The following LAPTM4B variants were observed in gnomAD, a reference collection of about 807,000 sequenced individuals.
The protein encoded by LAPTM4B is lysosomal-associated transmembrane protein 4B.
LAPTM4B carries 26 observed loss-of-function variants against 28.5 expected under a neutral mutation model. The observed-to-expected ratio is 0.91, with a 90% CI of 0.67 to 1.27. LAPTM4B has a LOEUF of 1.27. Ranked by LOEUF, LAPTM4B falls within the 50% of genes most tolerant of loss-of-function variation. The pLI is 0.00. For synonymous variants in LAPTM4B, 109 were observed against 106.4 expected (o/e 1.02, Z -0.15); for missense variants, 288 against 285.8 (o/e 1.01, Z -0.06).
At position 97,827,453 on chromosome 8, in the gene LAPTM4B, A is replaced by T. The variant is rs186188465; in HGVS notation, c.603+2300A>T. ...CCATGTTCCTTCCCCCATATCTATGAATCTCTTCATCTGTATCCCTTGTAT... is the reference window on the plus strand; with the variant it reads ...CCATGTTCCTTCCCCCATATCTATGTATCTCTTCATCTGTATCCCTTGTAT... On this transcript the variant is annotated intron_variant, in intron 6 of 6. Coordinates refer to ENST00000521545, the MANE Select transcript of LAPTM4B (RefSeq NM_018407.6). 2.7e-4 allele frequency among the ~76,000 whole-genome samples: 41 copies of T among 152,330 alleles called. No individual in the cohort carries two copies. In the East Asian group the frequency reaches 7.7e-3, roughly 29 times the overall value.
At chr8:97,814,915 A>T (rs1816882988) in intron 2 of LAPTM4B, among the ~76,000 whole-genome samples, 1 of 152,074 alleles carries the variant, frequency 6.6e-6, no homozygotes, top group Non-Finnish European at 1.5e-5. Context: ...GGATGGTCTC[A>T]ATCTCCTGAC....
At position 97,825,140 on chromosome 8, in the gene LAPTM4B, G is replaced by A; in HGVS notation, c.590G>A (p.Ser197Asn). 1.3e-6 allele frequency: 2 copies of A among 1,587,946 alleles called. No individual in the cohort carries two copies. Among genetic ancestry groups the A allele is most frequent in the Non-Finnish European group, 1.7e-6 (2 of 1,156,472 alleles). ...TCTGATGTCCTGGTTTATGTTACCA[G>A]CAATGACACTACGGTAGGTATGATG... ...NSSDVLVYVT[S>N]NDTTVLLPPY... The change falls in exon 6 of 7, where the codon AGC becomes AAC. Residue 197 changes from serine to asparagine, a missense_variant. By Grantham distance (46) the Ser-to-Asn change is conservative (BLOSUM62 1). Coordinates refer to ENST00000521545, the MANE Select transcript of LAPTM4B (RefSeq NM_018407.6).
In LAPTM4B at chr8:97,812,209, T is replaced by G. The variant is rs533740896; in HGVS notation, c.212-3119T>G. Among the ~76,000 whole-genome samples, 12 of 67,250 alleles carry G rather than the reference T, an allele frequency of 1.8e-4. No individual in the cohort carries two copies. In the East Asian group the frequency reaches 3.4e-3, roughly 19 times the overall value. The allele number at this position is 67,250 out of a possible 152,430, so 44.1% of individuals were successfully genotyped here. A position where few individuals can be genotyped will look rare whatever the true frequency, so the allele number is the denominator to read the frequency against. The stretch of plus-strand genomic sequence containing the variant: ...AGGATAAGTAAATTAATTATTTGTT[T>G]TTTTTTTGTTGTTTTTTGTTTTTTT... On this transcript the variant is annotated intron_variant, in intron 2 of 6. Transcript: ENST00000521545.
intron 2 of LAPTM4B, among the ~76,000 whole-genome samples, chr8:97,811,219 G>A (rs1428215693): frequency 2.0e-5 from 3 of 152,086 alleles, no homozygotes; most frequent in African/African-American, 7.2e-5. Context: ...TCTACCCTAT[G>A]GCCCTGCATT....
In LAPTM4B at chr8:97,840,924, C is replaced by T. The variant is rs143977854; in HGVS notation, c.604-10473C>T. ...CATCCCAGATGGGGTGGCAGCCGGG[C>T]GGAGGCCCTCATCACTTCTAGACAG... On this transcript the variant is annotated intron_variant, in intron 6 of 6. Transcript: ENST00000521545. Among the ~76,000 whole-genome samples the T allele has an allele frequency of 5.0e-3, 740 of 149,010 alleles. 7 individuals are homozygous for T. Among genetic ancestry groups the T allele is most frequent in the African/African-American group, 0.017 (677 of 40,346 alleles).
At position 97,819,727 on chromosome 8, in the gene LAPTM4B, C is replaced by CTTT. The variant is rs532220760; in HGVS notation, c.507+512_507+514dup. Reference sequence around the variant, plus strand: ...ATGCATTTATCTCAAGATAAATTTCCTTTTTTTTTTTTTTTTTTTTTTTTT... The same window carrying CTTT: ...ATGCATTTATCTCAAGATAAATTTCCTTTTTTTTTTTTTTTTTTTTTTTTTTTT... On this transcript the variant is annotated intron_variant, in intron 5 of 6. Transcript: ENST00000521545. Among the ~76,000 whole-genome samples the CTTT allele has an allele frequency of 7.9e-4, 62 of 78,564 alleles. 1 individual carries two copies. The highest frequency in any genetic ancestry group is 2.9e-3 in the African/African-American group (57 of 19,374). 51.5% of individuals were successfully genotyped at this position (78,564 alleles called of 152,430 possible). A position where few individuals can be genotyped will look rare whatever the true frequency, so the allele number is the denominator to read the frequency against.
chr8:97,786,718 C>A lies in LAPTM4B; in HGVS notation c.99+10610C>A, dbSNP rs865830390. On this transcript the variant is annotated intron_variant, in intron 1 of 6. Coordinates refer to ENST00000521545, the MANE Select transcript of LAPTM4B (RefSeq NM_018407.6). ...CCGTCTCAGAAAAAAAAAAAAAAAA[C>A]CATTAACCTTGAGCTACTAAAATTA... Among the ~76,000 whole-genome samples, 35 of 125,012 alleles carry A rather than the reference C, an allele frequency of 2.8e-4. 1 individual carries two copies. The Middle Eastern group carries it at 0.02, about 72-fold the overall frequency. The allele number at this position is 125,012 out of a possible 152,430, so 82.0% of individuals were successfully genotyped here.
chr8:97,805,391 C>G lies in LAPTM4B; in HGVS notation c.138C>G (p.Ala46=). Residue 46 remains alanine, a synonymous_variant, in exon 2 of 7, where the codon GCC becomes GCG. Coordinates refer to ENST00000521545, the MANE Select transcript of LAPTM4B (RefSeq NM_018407.6). ...NAVVLLILLS[A]LADPDQYNFS... ...TGGTACTGTTGATTTTATTGAGTGC[C>G]CTGGCTGATCCGGATCAGTATAACT... 6.2e-7 allele frequency: 1 copy of G among 1,606,698 alleles called. No homozygotes were observed. The highest frequency in any genetic ancestry group is 8.5e-7 in the Non-Finnish European group (1 of 1,176,040).
intron 6 of LAPTM4B, among the ~76,000 whole-genome samples, chr8:97,825,463 G>A (rs551328273): frequency 7.9e-5 from 12 of 152,244 alleles, no homozygotes; most frequent in Admixed American, 7.8e-4. Context: ...TTAAACCATG[G>A]TGTATAATTC....
chr8:97,812,544 C>T (rs16892209), intron 2 of LAPTM4B, among the ~76,000 whole-genome samples: 68,670 of 151,988 alleles, frequency 0.45, 15,985 homozygotes, highest in East Asian at 0.58. Flanking sequence ...TGCAAAAGTA[C>T]GCCTTTGTAT....
intron 6 of LAPTM4B, among the ~76,000 whole-genome samples, chr8:97,829,306 C>T (rs566195987): frequency 1.3e-5 from 2 of 152,156 alleles, no homozygotes; most frequent in East Asian, 1.9e-4. Context: ...ATCTGTTGAA[C>T]GGGGGAGGGT....
intron 2 of LAPTM4B, among the ~76,000 whole-genome samples, chr8:97,809,158 C>T (rs1028754250): frequency 6.6e-6 from 1 of 152,092 alleles, no homozygotes; most frequent in African/African-American, 2.4e-5. Context: ...AGTTATTACC[C>T]AGCTTAATCT....
At chr8:97,833,285 A>G (rs13257349) in intron 6 of LAPTM4B, among the ~76,000 whole-genome samples, 70,964 of 151,458 alleles carry the variant, frequency 0.47, 16,833 homozygotes, top group East Asian at 0.57. Context: ...CCTGGGAGGC[A>G]GAGGTTGCAG....
chr8:97,841,193 G>A (rs1224061699), intron 6 of LAPTM4B, among the ~76,000 whole-genome samples: 3 of 35,478 alleles, frequency 8.5e-5, no homozygotes, highest in Non-Finnish European at 1.6e-4. Flanking sequence ...GGGCGGCACA[G>A]CCAAAATTCT....
At chr8:97,847,733 T>A (rs1012190236) in intron 6 of LAPTM4B, among the ~76,000 whole-genome samples, 2 of 152,220 alleles carry the variant, frequency 1.3e-5, no homozygotes, top group African/African-American at 4.8e-5. Flanking sequence ...GATACAAAGA[T>A]GATGCTGCCC....
chr8:97,793,246 T>A (rs148800422), intron 1 of LAPTM4B, among the ~76,000 whole-genome samples: 3 of 152,332 alleles, frequency 2.0e-5, no homozygotes, highest in African/African-American at 7.2e-5. Context: ...AGTTAATGAA[T>A]GTTATAGCGT....
intron 6 of LAPTM4B, among the ~76,000 whole-genome samples, chr8:97,836,884 CA>C (rs1262164386): frequency 1.3e-5 from 2 of 151,666 alleles, no homozygotes; most frequent in Non-Finnish European, 2.9e-5. Context: ...TTGAAAAACG[CA>C]ATTGAAGAAA....
At chr8:97,842,720 TA>T (rs1291467999) in intron 6 of LAPTM4B, among the ~76,000 whole-genome samples, 1 of 151,924 alleles carries the variant, frequency 6.6e-6, no homozygotes, top group African/African-American at 2.4e-5. Flanking sequence ...AGTTTCACCA[TA>T]TTGGCCAGGC....
At chr8:97,805,950 G>A (rs1816751244) in intron 2 of LAPTM4B, among the ~76,000 whole-genome samples, 1 of 152,116 alleles carries the variant, frequency 6.6e-6, no homozygotes, top group Non-Finnish European at 1.5e-5. Context: ...AGGAAGCTAG[G>A]CTCCCAGCTT....
Sources: gnomAD v4.1 joint callset for allele counts (sites outside exome capture counted in the v4.1 genomes callset) on GRCh38, gnomAD v4.1.1 for gene constraint, MANE v1.5 for transcripts, NCBI Gene and HGNC (gene_info 2026-07-23, HGNC 2026-07-21) for gene names.